HPN: variants seen among roughly 807,000 people sequenced by gnomAD.
The protein encoded by HPN is serine protease hepsin.
HPN carries 13 observed loss-of-function variants against 55.9 expected under a neutral mutation model. The ratio of observed to expected loss-of-function variants is 0.23; its 90% CI spans 0.15 to 0.37. The LOEUF (loss-of-function observed/expected upper bound fraction) is 0.37. Among genes scored for constraint, HPN ranks in the 10% least tolerant of loss-of-function variants. The pLI is 1.00. For missense variants in HPN, 451 were observed against 575.8 expected, an observed-to-expected ratio of 0.78 and a Z score of 2.22; for synonymous variants, 225 against 240.3, an observed-to-expected ratio of 0.94 and a Z score of 0.59.
At chr19:35,056,196 A>C in intron 4 of HPN, among the ~76,000 whole-genome samples, 1 of 150,088 alleles carries the variant, frequency 6.7e-6, no homozygotes, top group Non-Finnish European at 1.5e-5. Context: ...GAAAAGTGCA[A>C]CCTCACCCCA....
chr19:35,041,390 G>C (rs1159920272), upstream of HPN, among the ~76,000 whole-genome samples: 2 of 152,066 alleles, frequency 1.3e-5, no homozygotes, highest in East Asian at 3.9e-4. Flanking sequence ...CAGAAAGGGC[G>C]GGGGGAAGGG....
At chr19:35,045,201 G>C (rs1036847769) in intron 2 of HPN, among the ~76,000 whole-genome samples, 1 of 152,132 alleles carries the variant, frequency 6.6e-6, no homozygotes, top group African/African-American at 2.4e-5. Flanking sequence ...TGAGTCCACA[G>C]AGGTGGGTGA....
At chr19:35,060,070 C>T in intron 6 of HPN, 59 bp from the exon 7 acceptor site, 1 of 1,614,034 alleles carries the variant, frequency 6.2e-7, no homozygotes, top group Non-Finnish European at 8.5e-7. Flanking sequence ...TTTCCTTCCA[C>T]CTGTCTTAAC....
chr19:35,055,728 C>G (rs1207638609), intron 4 of HPN, among the ~76,000 whole-genome samples: 1 of 151,982 alleles, frequency 6.6e-6, no homozygotes, highest in East Asian at 1.9e-4. Flanking sequence ...CCCTGCCCCC[C>G]AATCATATCC....
chr19:35,041,690 A>AAACCCC, upstream of HPN: 1 of 773,490 alleles, frequency 1.3e-6, no homozygotes, highest in Non-Finnish European at 1.5e-6. Flanking sequence ...CCGCCCCTTC[A>AAACCCC]CCCGCCCCTC....
intron 4 of HPN, among the ~76,000 whole-genome samples, chr19:35,050,084 C>A (rs1221609814): frequency 1.3e-5 from 2 of 152,048 alleles, no homozygotes; most frequent in African/African-American, 4.8e-5. Context: ...GATATAAATT[C>A]AGTGGACCCT....
At chr19:35,043,647 C>T (rs989314432) in intron 2 of HPN, among the ~76,000 whole-genome samples, 2 of 152,214 alleles carry the variant, frequency 1.3e-5, no homozygotes, top group Non-Finnish European at 2.9e-5. Context: ...GGTCTCGGCA[C>T]AGCTGGCAAT....
chr19:35,052,537 A>G (rs1483421394), intron 4 of HPN, among the ~76,000 whole-genome samples: 4 of 142,810 alleles, frequency 2.8e-5, no homozygotes. Flanking sequence ...TCTGTCTCAA[A>G]AAAAAAAAAA....
upstream of HPN, among the ~76,000 whole-genome samples, chr19:35,040,735 C>T (rs992275049): frequency 6.6e-6 from 1 of 151,690 alleles, no homozygotes; most frequent in Non-Finnish European, 1.5e-5. Flanking sequence ...GAGAGGTGGG[C>T]GCTGGGGAGA....
At chr19:35,044,792 G>T (rs1241823244) in intron 2 of HPN, among the ~76,000 whole-genome samples, 1 of 152,132 alleles carries the variant, frequency 6.6e-6, no homozygotes, top group African/African-American at 2.4e-5. Context: ...AGGTAAAGAG[G>T]GGACAGGTTG....
chr19:35,049,246 TGAG>T (rs756028569), intron 2 of HPN, 41 bp from the exon 3 acceptor site: 3 of 1,409,668 alleles, frequency 2.1e-6, no homozygotes, highest in Non-Finnish European at 2.8e-6. Flanking sequence ...CCTGCCGCAA[TGAG>T]GACAGGCCTG....
intron 2 of HPN, among the ~76,000 whole-genome samples, chr19:35,045,497 C>T (rs901751871): frequency 3.3e-5 from 5 of 151,798 alleles, no homozygotes; most frequent in South Asian, 2.1e-4. Context: ...ATGGTGGAGG[C>T]GGAAGAACTG....
chr19:35,059,899 G>T lies in HPN; in HGVS notation c.316G>T (p.Val106Leu), dbSNP rs1031080705. Residue 106 changes from valine to leucine, a missense_variant, in exon 6 of 13, where the codon GTG becomes TTG. By Grantham distance (32) the Val-to-Leu change is conservative (BLOSUM62 1). Around this residue, in one of 2 missense-constraint regions of HPN, gnomAD observed 378 missense variants for 445.5 expected, o/e 0.85. Coordinates refer to ENST00000672452, the MANE Select transcript of HPN (RefSeq NM_001384133.1). ...GGCACTGACCCACTCCGAGCTGGAC[G>T]TGCGAACGGCGGGCGCCAATGGCAC... ...LRALTHSELDVRTAGANGTSG... is the reference protein window; with the variant it reads ...LRALTHSELDLRTAGANGTSG... 1.3e-6 allele frequency: 2 copies of T among 1,511,584 alleles called. No individual in the cohort carries two copies. The highest frequency in any genetic ancestry group is 1.3e-5 in the South Asian group (1 of 74,866). The allele number at this position is 1,511,584 out of a possible 1,614,324, so 93.6% of individuals were successfully genotyped here. A position where few individuals can be genotyped will look rare whatever the true frequency, so the allele number is the denominator to read the frequency against.
chr19:35,058,082 G>C (rs112552930), intron 4 of HPN, among the ~76,000 whole-genome samples: 8 of 151,632 alleles, frequency 5.3e-5, no homozygotes, highest in African/African-American at 1.9e-4. Context: ...GAACCCGGGA[G>C]GCAGAGGTTG....
At chr19:35,056,355 T>C (rs1303391176) in intron 4 of HPN, among the ~76,000 whole-genome samples, 2 of 151,898 alleles carry the variant, frequency 1.3e-5, no homozygotes, top group Admixed American at 1.3e-4. Flanking sequence ...GGGGTCGGGG[T>C]TTTTGTCTGA....
intron 4 of HPN, 147 bp downstream of exon 4, chr19:35,049,663 A>G (rs1025401176): frequency 3.7e-5 from 29 of 788,574 alleles, no homozygotes; most frequent in Non-Finnish European, 5.9e-5. Flanking sequence ...AGTGCCTGCT[A>G]TGTACCAGGC....
chr19:35,046,470 C>T (rs770306846), intron 2 of HPN, among the ~76,000 whole-genome samples: 2 of 152,108 alleles, frequency 1.3e-5, no homozygotes, highest in African/African-American at 2.4e-5. Context: ...GTCTTGAGCT[C>T]CTGACCTCAA....
At chr19:35,060,908 C>T (rs2064524043) in intron 9 of HPN, 91 bp downstream of exon 9, 3 of 1,081,574 alleles carry the variant, frequency 2.8e-6, no homozygotes, top group East Asian at 2.4e-5. Context: ...CAACTTATGG[C>T]TCAGGCATCC....
intron 10 of HPN, 35 bp downstream of exon 10, chr19:35,065,380 T>C (rs2064594086): frequency 7.6e-6 from 12 of 1,586,996 alleles, no homozygotes; most frequent in Non-Finnish European, 1.0e-5. Context: ...TGCCACCGTT[T>C]GGGAGACTCT....
Sources: gnomAD v4.1 joint callset for allele counts (sites outside exome capture counted in the v4.1 genomes callset) on GRCh38, gnomAD v4.1.1 for gene constraint, gnomAD v4.1.1 regional missense constraint, MANE v1.5 for transcripts, NCBI Gene and HGNC (gene_info 2026-07-23, HGNC 2026-07-21) for gene names.